The following RCC1L variants were observed in gnomAD, a reference collection of about 807,000 sequenced individuals.
The protein encoded by RCC1L is RCC1 like, also known as RCC1-like G exchanging factor-like protein.
Under a neutral mutation model 58.6 loss-of-function variants are expected in RCC1L, and 46 were observed. That is an observed-to-expected ratio of 0.79 (90% CI 0.62 to 1.00). RCC1L has a LOEUF of 1.00. RCC1L is among the 50% of genes least tolerant of loss of function. The pLI is 0.00. For synonymous variants in RCC1L, 281 were observed against 262.9 expected, an observed-to-expected ratio of 1.07 and a Z score of -0.67; for missense variants, 636 against 623.6, an observed-to-expected ratio of 1.02 and a Z score of -0.21.
In RCC1L at chr7:75,066,750, AG is replaced by A; in HGVS notation, c.496del (p.Leu166CysfsTer24). 6.2e-7 allele frequency: 1 copy of A among 1,613,248 alleles called. No homozygotes were observed. Among genetic ancestry groups the A allele is most frequent in the Non-Finnish European group, 8.5e-7 (1 of 1,179,614 alleles). ...TGTCTCCTGAGGTCTGTCCAGAGGC[AG>A]GGAGACGGGTGAGGGCTCCAACACA... ...EYVLEPSPVS[L>X]PLDRPQETRV... On this transcript the variant is annotated frameshift_variant, in exon 3 of 11. Coordinates refer to ENST00000610322, the MANE Select transcript of RCC1L (RefSeq NM_030798.5). LOFTEE classifies it high-confidence loss of function.
Position 75,043,196 on chromosome 7 carries a change from C to G in RCC1L, c.1318-87G>C, listed in dbSNP as rs1805618080. On this transcript the variant is annotated intron_variant, in intron 10 of 10. Coordinates refer to ENST00000610322, the MANE Select transcript of RCC1L (RefSeq NM_030798.5). ...GGTGTTGGCCGACCCGGCCCTGCCT[C>G]TCAGTAGGAGACTCAGTAGGAGACA... is the stretch of plus-strand genomic sequence containing the variant. 2.7e-6 allele frequency: 4 copies of G among 1,460,052 alleles called. No individual in the cohort carries two copies. The African/African-American group carries it at 5.6e-5, about 20-fold the overall frequency. The allele number at this position is 1,460,052 out of a possible 1,614,324, so 90.4% of individuals were successfully genotyped here.
intron 2 of RCC1L, among the ~76,000 whole-genome samples, chr7:75,067,389 G>T (rs2132009273): frequency 6.6e-6 from 1 of 152,244 alleles, no homozygotes. Flanking sequence ...AGCGCTTTGG[G>T]AGGCCAAGGC....
chr7:75,068,429 T>C (rs1806588816), intron 2 of RCC1L, among the ~76,000 whole-genome samples: 1 of 152,034 alleles, frequency 6.6e-6, no homozygotes, highest in Non-Finnish European at 1.5e-5. Flanking sequence ...CTCACACCTG[T>C]AATCCCAGCA....
chr7:75,039,246 G>A (rs962005105), downstream of RCC1L, among the ~76,000 whole-genome samples: 6 of 152,220 alleles, frequency 3.9e-5, no homozygotes, highest in Non-Finnish European at 5.9e-5. Context: ...TTTCATAAGC[G>A]CATCCTGAGT....
At position 75,029,685 on chromosome 7, in the gene RCC1L, A is replaced by C. The variant is rs1390557944; in HGVS notation, c.1318-1606T>G. Among the ~76,000 whole-genome samples, 4 of 152,190 alleles carry C rather than the reference A, an allele frequency of 2.6e-5. No homozygotes were observed. In the South Asian group the frequency reaches 8.3e-4, roughly 32 times the overall value. On this transcript the variant is annotated intron_variant, in intron 10 of 10. Transcript: ENST00000614461. The stretch of plus-strand genomic sequence containing the variant: ...CCACTTCCTGAGTGAAGCGCTTTGC[A>C]TGGGGATGGGAAGAAGCACCCCCAA...
chr7:75,045,970 G>A (rs905588869), intron 10 of RCC1L, among the ~76,000 whole-genome samples: 1 of 152,266 alleles, frequency 6.6e-6, no homozygotes, highest in Non-Finnish European at 1.5e-5. Flanking sequence ...TGTGACAGCT[G>A]GAAAGGGGAT....
intron 1 of RCC1L, among the ~76,000 whole-genome samples, chr7:75,071,045 A>C (rs1037312986): frequency 6.6e-6 from 1 of 152,106 alleles, no homozygotes; most frequent in African/African-American, 2.4e-5. Context: ...TAGTAGAGAC[A>C]GAATTTCACT....
Position 75,044,599 on chromosome 7 carries a change from G to GAA in RCC1L, c.1318-1492_1318-1491dup, listed in dbSNP as rs1169350324. On this transcript the variant is annotated intron_variant, in intron 10 of 10. Coordinates refer to ENST00000610322, the MANE Select transcript of RCC1L (RefSeq NM_030798.5). Reference sequence around the variant, plus strand: ...GGGCGACAGAGCAAGACTCTGTCTCGAAAAAAAAAAAAAAAAAAAAAAAAG... The same window carrying GAA: ...GGGCGACAGAGCAAGACTCTGTCTCGAAAAAAAAAAAAAAAAAAAAAAAAAAG... Among the ~76,000 whole-genome samples the GAA allele has an allele frequency of 8.6e-3, 347 of 40,430 alleles. 28 individuals are homozygous for GAA. Among genetic ancestry groups the GAA allele is most frequent in the Middle Eastern group, 0.029 (1 of 34 alleles). 26.5% of individuals were successfully genotyped at this position (40,430 alleles called of 152,430 possible).
chr7:75,054,279 C>T (rs1806010818), intron 9 of RCC1L, among the ~76,000 whole-genome samples: 1 of 152,134 alleles, frequency 6.6e-6, no homozygotes, highest in African/African-American at 2.4e-5. Context: ...AACCAACCAA[C>T]TCTAATTCCC....
At chr7:75,039,881 C>T (rs904334610), downstream of RCC1L, among the ~76,000 whole-genome samples, 21 of 152,168 alleles carry the variant, frequency 1.4e-4, no homozygotes, top group East Asian at 9.7e-4. Context: ...GCCTAGCAAC[C>T]GAGCTAATGG....
downstream of RCC1L, among the ~76,000 whole-genome samples, chr7:75,041,276 T>C (rs1225147035): frequency 1.3e-5 from 2 of 151,966 alleles, no homozygotes; most frequent in Non-Finnish European, 2.9e-5. Context: ...GATCCCATCC[T>C]CTCCTCCTGC....
intron 10 of RCC1L, among the ~76,000 whole-genome samples, chr7:75,050,145 C>A (rs1325475586): frequency 6.6e-6 from 1 of 151,002 alleles, no homozygotes. Context: ...AGCCAGGCGT[C>A]GTGGCATGCA....
chr7:75,069,390 G>A (rs1554445696), intron 2 of RCC1L, among the ~76,000 whole-genome samples: 1 of 150,790 alleles, frequency 6.6e-6, no homozygotes, highest in Non-Finnish European at 1.5e-5. Flanking sequence ...CTTTTTTTTA[G>A]AGACAGAGTC....
chr7:75,034,032 A>G (rs1322499710), intron 10 of RCC1L, among the ~76,000 whole-genome samples: 2 of 152,212 alleles, frequency 1.3e-5, no homozygotes, highest in Non-Finnish European at 2.9e-5. Flanking sequence ...GCGGAAAGAA[A>G]ATATGCACCG....
chr7:75,056,853 G>A lies in RCC1L; in HGVS notation c.1057+676C>T, dbSNP rs1164725527. On this transcript the variant is annotated intron_variant, in intron 8 of 10. Coordinates refer to ENST00000610322, the MANE Select transcript of RCC1L (RefSeq NM_030798.5). ...TCCTTTTTTGAAACAGGGTCTCACC[G>A]TGTTGCCCAGTGCAGTGGCATGATC... is the stretch of plus-strand genomic sequence containing the variant. The A allele has an allele frequency of 3.2e-5, 29 of 906,920 alleles. No homozygotes were observed. The South Asian group carries it at 3.4e-4, about 11-fold the overall frequency. The allele number at this position is 906,920 out of a possible 1,614,324, so 56.2% of individuals were successfully genotyped here.
In RCC1L at chr7:75,058,663, C is replaced by T; in HGVS notation, c.894G>A (p.Val298=). The change falls in exon 7 of 11, where the codon GTG becomes GTA. Residue 298 remains valine, a synonymous_variant. Coordinates refer to ENST00000610322, the MANE Select transcript of RCC1L (RefSeq NM_030798.5). ...AACCAAAAAGTCCTCCGTCGGCGGA[C>T]ACGGCCAGGCAGCAATCACCGTAGG... ...VATYGDCCLA[V]SADGGLFGWG... is the part of the protein sequence containing the mutation. 6.2e-7 allele frequency: 1 copy of T among 1,613,942 alleles called. No homozygotes were observed. Among genetic ancestry groups the T allele is most frequent in the Non-Finnish European group, 8.5e-7 (1 of 1,179,856 alleles).
intron 4 of RCC1L, among the ~76,000 whole-genome samples, chr7:75,063,684 C>T (rs905863933): frequency 1.1e-4 from 16 of 152,000 alleles, no homozygotes; most frequent in African/African-American, 1.7e-4. Flanking sequence ...TTTTAGAGGC[C>T]GAGGTGGGCG....
chr7:75,057,550 T>C lies in RCC1L; in HGVS notation c.1036A>G (p.Thr346Ala). The C allele has an allele frequency of 6.2e-7, 1 of 1,613,896 alleles. No homozygotes were observed. Among genetic ancestry groups the C allele is most frequent in the Non-Finnish European group, 8.5e-7 (1 of 1,179,840 alleles). ...GKVRQAACGG[T>A]GCAVLNGEGH... ...TCACCGTTTAACACTGCACAGCCCGTGCCACCGCATGCAGCCTGTCGCACC... is the reference window on the plus strand; with the variant it reads ...TCACCGTTTAACACTGCACAGCCCGCGCCACCGCATGCAGCCTGTCGCACC... The change falls in exon 8 of 11, where the codon ACG (threonine) becomes GCG (alanine). Residue 346 changes from threonine (T) to alanine (A), a missense_variant. Transcript: ENST00000610322.
chr7:75,047,951 TAAAAA>T (rs1165495607), intron 10 of RCC1L, among the ~76,000 whole-genome samples: 2 of 72,160 alleles, frequency 2.8e-5, no homozygotes, highest in Non-Finnish European at 4.8e-5. Flanking sequence ...GGCCAATAAT[TAAAAA>T]AAAAAAAAAA....
Sources: gnomAD v4.1 joint callset for allele counts (sites outside exome capture counted in the v4.1 genomes callset) on GRCh38, gnomAD v4.1.1 for gene constraint, MANE v1.5 for transcripts, NCBI Gene and HGNC (gene_info 2026-07-23, HGNC 2026-07-21) for gene names.